Variants in RGS6 observed in about 807,000 individuals in gnomAD.
RGS6 encodes the protein regulator of G-protein signaling 6.
RGS6 carries 30 observed loss-of-function variants against 78.5 expected under a neutral mutation model. The ratio of observed to expected loss-of-function variants is 0.38; its 90% confidence interval spans 0.29 to 0.52. RGS6 has a LOEUF of 0.52. Ranked by LOEUF, RGS6 falls within the 20% of genes least tolerant of loss-of-function variation. The probability of loss-of-function intolerance (pLI) is 0.85; values close to 1 mark genes in which losing one functional copy is unlikely to be tolerated. For missense variants in RGS6, 495 were observed against 609.7 expected, an observed-to-expected ratio of 0.81 and a Z score of 1.98; for synonymous variants, 206 against 206.0, an observed-to-expected ratio of 1.00 and a Z score of 0.00.
rs767052505 is a variant in RGS6 at position 72,493,207 on chromosome 14, A to G, written c.855-1945A>G. On this transcript the variant is annotated intron_variant, in intron 12 of 17. Transcript: ENST00000553525. The stretch of plus-strand genomic sequence containing the variant: ...CCAGGAAGGCTCAGCGTGAAAGAGT[A>G]TAATCAAAATAAACCGACAGAAAAA... Among the ~76,000 whole-genome samples, 359 of 152,330 alleles carry G rather than the reference A, an allele frequency of 2.4e-3. 9 individuals are homozygous for G. The highest frequency in any genetic ancestry group is 7.1e-4 in the Non-Finnish European group (48 of 68,026).
chr14:72,160,603 T>TA (rs1271882505), intron 2 of RGS6, among the ~76,000 whole-genome samples: 2 of 152,184 alleles, frequency 1.3e-5, no homozygotes. Flanking sequence ...GTGATTAAGT[T>TA]AAAGTGAAAA....
intron 2 of RGS6, among the ~76,000 whole-genome samples, chr14:72,252,063 C>T (rs1229996140): frequency 6.6e-6 from 1 of 152,134 alleles, no homozygotes; most frequent in Non-Finnish European, 1.5e-5. Flanking sequence ...ATGTGTTAGA[C>T]TAGTTTTTGT....
chr14:72,201,123 G>A lies in RGS6; in HGVS notation c.85-150972G>A, dbSNP rs186794528. On this transcript the variant is annotated intron_variant, in intron 2 of 17. Transcript: ENST00000553525. The stretch of plus-strand genomic sequence containing the variant: ...AAGGAAGTGGTGCCTTGGGGAGCCC[G>A]CGTTGGAAAGCAATAGCAGATGGCT... 2.8e-4 allele frequency among the ~76,000 whole-genome samples: 43 copies of A among 152,288 alleles called. No homozygotes were observed. In the East Asian group the frequency reaches 5.8e-3, roughly 21 times the overall value.
chr14:72,498,796 C>T (rs999243774), intron 13 of RGS6, among the ~76,000 whole-genome samples: 3 of 152,156 alleles, frequency 2.0e-5, no homozygotes, highest in Non-Finnish European at 2.9e-5. Flanking sequence ...CTGAGGCACA[C>T]GACAGTTTAA....
downstream of RGS6, among the ~76,000 whole-genome samples, chr14:72,568,269 G>A (rs542897056): frequency 4.6e-5 from 7 of 151,480 alleles, no homozygotes; most frequent in South Asian, 1.5e-3. Context: ...AAAATCTTCG[G>A]GTGGCTGTGA....
At chr14:71,924,990 A>C in the RGS6 span, among the ~76,000 whole-genome samples, 1 of 152,022 alleles carries the variant, frequency 6.6e-6, no homozygotes, top group African/African-American at 2.4e-5. Flanking sequence ...TTTTTAAGGG[A>C]ATCTCCACAC....
intron 2 of RGS6, among the ~76,000 whole-genome samples, chr14:72,146,267 A>G (rs1431293791): frequency 6.6e-6 from 1 of 152,218 alleles, no homozygotes; most frequent in African/African-American, 2.4e-5. Flanking sequence ...CTACCTCTCA[A>G]CACTCTTGCA....
At chr14:72,573,096 T>C in the RGS6 span, among the ~76,000 whole-genome samples, 1 of 152,188 alleles carries the variant, frequency 6.6e-6, no homozygotes, top group African/African-American at 2.4e-5. Flanking sequence ...GATCAGGAGA[T>C]GCCAGGTCAT....
intron 17 of RGS6, among the ~76,000 whole-genome samples, chr14:72,557,836 G>A (rs1341247865): frequency 2.0e-5 from 3 of 152,182 alleles, no homozygotes; most frequent in Non-Finnish European, 4.4e-5. Context: ...TTGCGAGTTC[G>A]AATTCCCCAA....
intron 17 of RGS6, chr14:72,547,295 G>GAA: frequency 6.5e-7 from 1 of 1,535,672 alleles, no homozygotes. Flanking sequence ...ACCCAACTCT[G>GAA]CCTGTGGTCC....
At chr14:72,177,363 A>T (rs2097120023) in intron 2 of RGS6, among the ~76,000 whole-genome samples, 1 of 152,110 alleles carries the variant, frequency 6.6e-6, no homozygotes, top group African/African-American at 2.4e-5. Flanking sequence ...TTGAGCAGGG[A>T]GGCTGAAAAT....
chr14:72,070,990 TCTC>T (rs1282193250), intron 2 of RGS6, among the ~76,000 whole-genome samples: 2 of 152,100 alleles, frequency 1.3e-5, no homozygotes, highest in Non-Finnish European at 2.9e-5. Flanking sequence ...ATTTTATTCA[TCTC>T]CTCTCATGGT....
the RGS6 span, among the ~76,000 whole-genome samples, chr14:71,870,156 A>G: frequency 2.6e-5 from 4 of 152,198 alleles, no homozygotes; most frequent in Non-Finnish European, 5.9e-5. Context: ...ACAGTGGCCA[A>G]TCGTGTATGA....
intron 2 of RGS6, among the ~76,000 whole-genome samples, chr14:72,346,827 T>C (rs1489635860): frequency 6.6e-6 from 1 of 152,202 alleles, no homozygotes; most frequent in Non-Finnish European, 1.5e-5. Flanking sequence ...AAAGAGAGGA[T>C]TGCTTCTCCT....
intron 3 of RGS6, among the ~76,000 whole-genome samples, chr14:72,449,733 C>G (rs1281039893): frequency 8.5e-5 from 13 of 152,214 alleles, no homozygotes; most frequent in Admixed American, 8.5e-4. Flanking sequence ...CTGTCAGAGT[C>G]TATAAAGGGT....
intron 15 of RGS6, among the ~76,000 whole-genome samples, chr14:72,528,485 A>T (rs573866241): frequency 1.2e-4 from 18 of 152,312 alleles, no homozygotes; most frequent in African/African-American, 4.1e-4. Flanking sequence ...GCCCTAGAGC[A>T]TTGGTTTATC....
intron 2 of RGS6, among the ~76,000 whole-genome samples, chr14:72,245,374 G>C (rs1030756379): frequency 6.6e-6 from 1 of 152,142 alleles, no homozygotes; most frequent in African/African-American, 2.4e-5. Flanking sequence ...GCCCCAAACA[G>C]AGATTTACCC....
At chr14:72,247,685 A>G (rs572059349) in intron 2 of RGS6, among the ~76,000 whole-genome samples, 8 of 152,320 alleles carry the variant, frequency 5.3e-5, no homozygotes, top group African/African-American at 1.9e-4. Flanking sequence ...TAATTTGGTC[A>G]AGAGGGCTCT....
chr14:72,107,509 G>GA (rs967088060), intron 2 of RGS6, among the ~76,000 whole-genome samples: 75 of 152,034 alleles, frequency 4.9e-4, no homozygotes, highest in African/African-American at 1.8e-3. Flanking sequence ...TTTTTGATAG[G>GA]AAAAAAATGT....
Sources: gnomAD v4.1 joint callset for allele counts (sites outside exome capture counted in the v4.1 genomes callset) on GRCh38, gnomAD v4.1.1 for gene constraint, MANE v1.5 for transcripts, NCBI Gene and HGNC (gene_info 2026-07-23, HGNC 2026-07-21) for gene names.